ABCA3: variants seen among roughly 807,000 people sequenced by gnomAD.
The protein encoded by ABCA3 is phospholipid-transporting ATPase ABCA3.
Under a neutral mutation model 172.8 loss-of-function variants are expected in ABCA3, and 88 were observed. The ratio of observed to expected loss-of-function variants is 0.51; its 90% confidence interval spans 0.43 to 0.61. The LOEUF (loss-of-function observed/expected upper bound fraction) is 0.61, where lower values mean the gene tolerates loss of function less well. Ranked by LOEUF, ABCA3 falls within the 20% of genes least tolerant of loss-of-function variation. ABCA3 has a pLI of 0.00. For synonymous variants in ABCA3, 1,066 were observed against 983.8 expected, an observed-to-expected ratio of 1.08 and a Z score of -1.56; for missense variants, 2,164 against 2,301.0, an observed-to-expected ratio of 0.94 and a Z score of 1.22.
chr16:2,315,066 G>A (rs1188289315), intron 10 of ABCA3, among the ~76,000 whole-genome samples: 1 of 149,228 alleles, frequency 6.7e-6, no homozygotes, highest in Non-Finnish European at 1.5e-5. Flanking sequence ...TTTTTTTTTA[G>A]TAGAGACGAG....
chr16:2,336,597 A>ATTTT (rs11284766), intron 1 of ABCA3, among the ~76,000 whole-genome samples: 51 of 101,312 alleles, frequency 5.0e-4, no homozygotes, highest in Non-Finnish European at 7.8e-4. Context: ...CGCCCAGCTA[A>ATTTT]TTTTTTTTTT....
At chr16:2,322,299 T>C (rs532472682) in intron 7 of ABCA3, among the ~76,000 whole-genome samples, 6 of 152,234 alleles carry the variant, frequency 3.9e-5, no homozygotes, top group Non-Finnish European at 7.4e-5. Flanking sequence ...AGGATTATTT[T>C]AGTCTTTCAG....
intron 5 of ABCA3, 131 bp from the exon 6 acceptor site, chr16:2,324,662 C>T: frequency 7.3e-7 from 1 of 1,364,056 alleles, no homozygotes; most frequent in Non-Finnish European, 1.0e-6. Context: ...TCCTGAGACT[C>T]AAGGCAGCTT....
rs576323563 is a variant in ABCA3 at position 2,306,437 on chromosome 16, G to C, written c.1285+2013C>G. ...AGCTAAAGTGTCAGAAGACACTGCC[G>C]ACTGTAGAGAACCGTTCTAATGAAA... On this transcript the variant is annotated intron_variant, in intron 11 of 32. Transcript: ENST00000301732. 1.8e-4 allele frequency among the ~76,000 whole-genome samples: 28 copies of C among 152,296 alleles called. No individual in the cohort carries two copies. The South Asian group carries it at 5.8e-3, about 32-fold the overall frequency.
At chr16:2,318,193 A>G (rs934590497) in intron 8 of ABCA3, among the ~76,000 whole-genome samples, 2 of 152,190 alleles carry the variant, frequency 1.3e-5, no homozygotes, top group South Asian at 4.1e-4. Context: ...AGATCAGACC[A>G]TAGCTGTGGA....
At chr16:2,338,957 T>C (rs893002671) in intron 1 of ABCA3, among the ~76,000 whole-genome samples, 2 of 152,044 alleles carry the variant, frequency 1.3e-5, no homozygotes, top group Non-Finnish European at 1.5e-5. Flanking sequence ...GGTTTCGCCA[T>C]GTTGGCCAGG....
At chr16:2,282,129 C>T (rs572236874) in intron 26 of ABCA3, among the ~76,000 whole-genome samples, 4 of 152,070 alleles carry the variant, frequency 2.6e-5, no homozygotes, top group Non-Finnish European at 5.9e-5. Context: ...GAGATGGGGT[C>T]TTGCTCTGTC....
chr16:2,308,493 G>A lies in ABCA3; in HGVS notation c.1242C>T (p.Ala414=). ...KLCSCLLSNV[A]MAMGAQLIGK... is the part of the protein sequence containing the mutation. ...CAATGAGCTGGGCTCCCATTGCCAT[G>A]GCGACATTAGACAGGAGGCAGGAGC... is the stretch of plus-strand genomic sequence containing the variant. Residue 414 remains alanine, a synonymous_variant, in exon 11 of 33, where the codon GCC becomes GCT. Transcript: ENST00000301732. 1.9e-6 allele frequency: 3 copies of A among 1,614,210 alleles called. No homozygotes were observed. The highest frequency in any genetic ancestry group is 2.5e-6 in the Non-Finnish European group (3 of 1,180,034).
intron 10 of ABCA3, among the ~76,000 whole-genome samples, chr16:2,309,322 A>G (rs1427841656): frequency 6.6e-6 from 1 of 152,162 alleles, no homozygotes; most frequent in Non-Finnish European, 1.5e-5. Context: ...ATACGCACTG[A>G]GCACCTACTC....
At position 2,284,676 on chromosome 16, in the gene ABCA3, CCATTGCCTGAGTCCCG is replaced by C; in HGVS notation, c.3703+87_3703+102del. On this transcript the variant is annotated intron_variant, in intron 24 of 32. Coordinates refer to ENST00000301732, the MANE Select transcript of ABCA3 (RefSeq NM_001089.3). The surrounding 1 kb of genome is among the most constrained non-coding windows in gnomAD (Gnocchi z 5.9). ...AGGGGCTGGTGAGCATGAACTGGGC[CCATTGCCTGAGTCCCG>C]CCTCGGCTGTGGCTGGTGCCTCCCT... is the stretch of plus-strand genomic sequence containing the variant. 1 of 1,322,624 alleles carries C rather than the reference CCATTGCCTGAGTCCCG, an allele frequency of 7.6e-7. No homozygotes were observed. The highest frequency in any genetic ancestry group is 1.1e-6 in the Non-Finnish European group (1 of 949,562). 81.9% of individuals were successfully genotyped at this position (1,322,624 alleles called of 1,614,324 possible). A position where few individuals can be genotyped will look rare whatever the true frequency, so the allele number is the denominator to read the frequency against.
At chr16:2,324,725 C>A (rs1262877629) in intron 5 of ABCA3, among the ~76,000 whole-genome samples, 194 bp from the exon 6 acceptor site, 8 of 152,136 alleles carry the variant, frequency 5.3e-5, no homozygotes, top group African/African-American at 9.7e-5. Context: ...ATGGCAGGGT[C>A]AGAGCCCCAG....
intron 5 of ABCA3, 106 bp downstream of exon 5, chr16:2,325,904 T>C (rs1182908964): frequency 6.6e-7 from 1 of 1,518,096 alleles, no homozygotes; most frequent in Non-Finnish European, 9.0e-7. Flanking sequence ...CTGCACAGGG[T>C]GAACTCCTCA....
intron 1 of ABCA3, among the ~76,000 whole-genome samples, chr16:2,333,113 A>G (rs17135886): frequency 0.08 from 12,100 of 152,196 alleles, 1,594 homozygotes; most frequent in African/African-American, 0.27. Context: ...CCTGGCCCTT[A>G]TGAGCCCTTT....
Position 2,324,384 on chromosome 16 carries a change from G to C in ABCA3, c.447+20C>G. The C allele has an allele frequency of 3.8e-6, 6 of 1,577,516 alleles. No homozygotes were observed. Among genetic ancestry groups the C allele is most frequent in the Non-Finnish European group, 5.1e-6 (6 of 1,168,498 alleles). ...CCTTGCTGATGGGCTGTGACTGCTC[G>C]GCCCGGCCGCACGTCTCACCGCCAG... On this transcript the variant is annotated intron_variant, in intron 6 of 32. Coordinates refer to ENST00000301732, the MANE Select transcript of ABCA3 (RefSeq NM_001089.3).
intron 7 of ABCA3, 34 bp downstream of exon 7, chr16:2,323,489 G>C (rs1461288326): frequency 6.2e-7 from 1 of 1,613,506 alleles, no homozygotes; most frequent in Non-Finnish European, 8.5e-7. Context: ...CAACAGCCCG[G>C]GCTGGTAACA....
chr16:2,277,011 A>T lies in ABCA3; in HGVS notation c.4984-206T>A, dbSNP rs2093647563. On this transcript the variant is annotated intron_variant, in intron 32 of 32. Transcript: ENST00000301732. The surrounding 1 kb of genome is among the most constrained non-coding windows in gnomAD (Gnocchi z 5.3). ...GCTGGCTAAGCAGGAGCCAGCGGGG[A>T]TGGGGCCCAGCCTCCTCCCTGTGCT... Among the ~76,000 whole-genome samples the T allele has an allele frequency of 1.3e-5, 2 of 152,192 alleles. No homozygotes were observed. The highest frequency in any genetic ancestry group is 1.5e-5 in the Non-Finnish European group (1 of 68,034).
At chr16:2,296,217 G>A (rs553606522) in intron 17 of ABCA3, among the ~76,000 whole-genome samples, 1 of 152,178 alleles carries the variant, frequency 6.6e-6, no homozygotes, top group African/African-American at 2.4e-5. Context: ...CACCGTGCAG[G>A]AGATGGAATT....
At chr16:2,293,691 C>T (rs2093675555) in intron 18 of ABCA3, among the ~76,000 whole-genome samples, 1 of 151,726 alleles carries the variant, frequency 6.6e-6, no homozygotes, top group Non-Finnish European at 1.5e-5. Flanking sequence ...GTGCCCGCCA[C>T]CACGCCCGGC....
chr16:2,319,047 T>A (rs988855264), intron 8 of ABCA3, among the ~76,000 whole-genome samples: 1 of 152,048 alleles, frequency 6.6e-6, no homozygotes, highest in Non-Finnish European at 1.5e-5. Flanking sequence ...ACCAAGCAGA[T>A]GAACAACTGG....
Sources: gnomAD v4.1 joint callset for allele counts (sites outside exome capture counted in the v4.1 genomes callset) on GRCh38, gnomAD v4.1.1 for gene constraint, Gnocchi (gnomAD v3.1) non-coding constraint, MANE v1.5 for transcripts, NCBI Gene and HGNC (gene_info 2026-07-23, HGNC 2026-07-21) for gene names.